The following MACROD2 variants were observed in gnomAD, a reference collection of about 807,000 sequenced individuals.
The protein encoded by MACROD2 is ADP-ribose glycohydrolase MACROD2.
Under a neutral mutation model 70.4 loss-of-function variants are expected in MACROD2, and 36 were observed. That is an observed-to-expected ratio of 0.51 (90% CI 0.39 to 0.68). MACROD2 has a LOEUF of 0.68. Among genes scored for constraint, MACROD2 ranks in the 30% least tolerant of loss-of-function variants. The pLI is 0.00. For missense variants in MACROD2, 496 were observed against 538.4 expected (o/e 0.92, Z 0.78); for synonymous variants, 172 against 178.8 (o/e 0.96, Z 0.30).
chr20:14,776,799 G>C (rs1407532010), intron 5 of MACROD2, among the ~76,000 whole-genome samples: 1 of 152,020 alleles, frequency 6.6e-6, no homozygotes, highest in African/African-American at 2.4e-5. Flanking sequence ...CCAGTACCCA[G>C]TTGAGAAACA....
intron 5 of MACROD2, among the ~76,000 whole-genome samples, chr20:14,958,089 C>T (rs2074552896): frequency 1.3e-5 from 2 of 152,138 alleles, no homozygotes; most frequent in South Asian, 2.1e-4. Context: ...CTAACTAGAC[C>T]TCTCTGGAGT....
chr20:14,422,683 A>C (rs1011978433), intron 3 of MACROD2, among the ~76,000 whole-genome samples: 7 of 152,318 alleles, frequency 4.6e-5, no homozygotes, highest in Admixed American at 3.3e-4. Context: ...AACTGCCTCT[A>C]TATACCTTCA....
At chr20:15,561,384 T>G (rs767117272) in intron 8 of MACROD2, among the ~76,000 whole-genome samples, 1 of 152,236 alleles carries the variant, frequency 6.6e-6, no homozygotes, top group African/African-American at 2.4e-5. Flanking sequence ...CAATTTGTAG[T>G]GATGTTGTCA....
chr20:15,278,476 G>A (rs2077413109), intron 6 of MACROD2, among the ~76,000 whole-genome samples: 1 of 152,178 alleles, frequency 6.6e-6, no homozygotes, highest in African/African-American at 2.4e-5. Flanking sequence ...TCCCAGTCCT[G>A]CTTTTCACTA....
intron 5 of MACROD2, among the ~76,000 whole-genome samples, chr20:14,996,185 A>T (rs775041526): frequency 2.0e-5 from 3 of 152,156 alleles, no homozygotes; most frequent in African/African-American, 7.2e-5. Flanking sequence ...AAATATCAAC[A>T]TCTATTATAA....
chr20:14,291,820 A>T (rs2082388741), intron 3 of MACROD2, among the ~76,000 whole-genome samples: 2 of 151,862 alleles, frequency 1.3e-5, no homozygotes, highest in South Asian at 4.1e-4. Flanking sequence ...AATGCTTAAG[A>T]ATTACTTTAT....
chr20:14,519,662 C>G (rs1461901349), intron 4 of MACROD2, among the ~76,000 whole-genome samples: 1 of 152,062 alleles, frequency 6.6e-6, no homozygotes, highest in Non-Finnish European at 1.5e-5. Flanking sequence ...TTTGGCGATT[C>G]CTCAAAGAGC....
intron 5 of MACROD2, among the ~76,000 whole-genome samples, chr20:14,788,980 G>A: frequency 6.6e-6 from 1 of 151,762 alleles, no homozygotes; most frequent in East Asian, 1.9e-4. Context: ...TGTTGGTCAG[G>A]CTGGTCTCGA....
chr20:14,264,543 C>G (rs1418473582), intron 3 of MACROD2, among the ~76,000 whole-genome samples: 2 of 152,116 alleles, frequency 1.3e-5, no homozygotes, highest in African/African-American at 4.8e-5. Context: ...ATTAAGTGAT[C>G]ATCTGGAAAA....
intron 8 of MACROD2, among the ~76,000 whole-genome samples, chr20:15,811,281 A>G (rs1426651084): frequency 6.6e-6 from 1 of 151,812 alleles, no homozygotes; most frequent in Non-Finnish European, 1.5e-5. Flanking sequence ...GGCAAAGGAT[A>G]TGAACAGACA....
At chr20:15,413,694 T>C (rs1490236752) in intron 6 of MACROD2, among the ~76,000 whole-genome samples, 2 of 152,218 alleles carry the variant, frequency 1.3e-5, no homozygotes, top group Non-Finnish European at 2.9e-5. Context: ...AAAATTCATA[T>C]GTTTGTGGGA....
chr20:14,115,086 G>T (rs1052401824), intron 3 of MACROD2, among the ~76,000 whole-genome samples: 5 of 152,060 alleles, frequency 3.3e-5, no homozygotes, highest in Non-Finnish European at 5.9e-5. Flanking sequence ...GAAAAAAATG[G>T]TAGGGCATTG....
At chr20:15,858,536 A>G (rs561038472) in intron 8 of MACROD2, among the ~76,000 whole-genome samples, 6 of 152,336 alleles carry the variant, frequency 3.9e-5, no homozygotes, top group African/African-American at 1.4e-4. Context: ...GACTCTGGAA[A>G]AACAGTTACA....
chr20:15,002,578 A>G (rs1265396052), intron 5 of MACROD2, among the ~76,000 whole-genome samples: 3 of 152,146 alleles, frequency 2.0e-5, no homozygotes, highest in African/African-American at 7.2e-5. Flanking sequence ...ACCCAGCCTG[A>G]TATTAAACAC....
intron 6 of MACROD2, among the ~76,000 whole-genome samples, chr20:15,413,364 C>T (rs1484628785): frequency 6.6e-6 from 1 of 152,132 alleles, no homozygotes; most frequent in Non-Finnish European, 1.5e-5. Context: ...GAAACATTAA[C>T]TCTGGTATTT....
chr20:15,294,169 T>C (rs900128324), intron 6 of MACROD2, among the ~76,000 whole-genome samples: 4 of 151,048 alleles, frequency 2.6e-5, no homozygotes, highest in Non-Finnish European at 5.9e-5. Flanking sequence ...AAACTCTAGA[T>C]TGCAACTTCT....
At chr20:14,653,548 T>C (rs1390859792) in intron 4 of MACROD2, among the ~76,000 whole-genome samples, 1 of 149,174 alleles carries the variant, frequency 6.7e-6, no homozygotes, top group Non-Finnish European at 1.5e-5. Flanking sequence ...AAGAGATGAG[T>C]TCTCCTTATG....
chr20:14,965,627 AT>A (rs374771441), intron 5 of MACROD2, among the ~76,000 whole-genome samples: 27,086 of 140,750 alleles, frequency 0.19, 3,123 homozygotes, highest in East Asian at 0.28. Flanking sequence ...TGCCCAGCTA[AT>A]TTTTTTTTTT....
At chr20:15,410,808 A>G (rs1354381530) in intron 6 of MACROD2, among the ~76,000 whole-genome samples, 1 of 152,152 alleles carries the variant, frequency 6.6e-6, no homozygotes, top group Non-Finnish European at 1.5e-5. Flanking sequence ...TGAGTTGCCA[A>G]ACCTCTAGGC....
Sources: allele counts gnomAD v4.1 joint callset (sites outside exome capture counted in the v4.1 genomes callset), GRCh38; gene constraint gnomAD v4.1.1; transcripts MANE v1.5; gene names NCBI Gene and HGNC (gene_info 2026-07-23, HGNC 2026-07-21).